The following RUNX2 variants were observed in gnomAD, a reference collection of about 807,000 sequenced individuals.
RUNX2 encodes runt-related transcription factor 2.
RUNX2 carries 10 observed loss-of-function variants against 51.7 expected under a neutral mutation model. The observed-to-expected ratio is 0.19, with a 90% CI of 0.12 to 0.33. The LOEUF (loss-of-function observed/expected upper bound fraction) is 0.33, where lower values mean the gene tolerates loss of function less well. Among genes scored for constraint, RUNX2 ranks in the 10% least tolerant of loss-of-function variants. RUNX2 has a pLI of 1.00. For synonymous variants in RUNX2, 276 were observed against 273.6 expected (o/e 1.01, Z -0.09); for missense variants, 562 against 691.3 (o/e 0.81, Z 2.10).
chr6:45,455,028 C>T (rs564324655), intron 5 of RUNX2, among the ~76,000 whole-genome samples: 10 of 152,172 alleles, frequency 6.6e-5, no homozygotes, highest in Middle Eastern at 3.4e-3. Context: ...GCAGGAGAAT[C>T]GCTTGAACCT....
intron 6 of RUNX2, among the ~76,000 whole-genome samples, chr6:45,503,131 G>A (rs1327694477): frequency 6.6e-6 from 1 of 152,080 alleles, no homozygotes; most frequent in Admixed American, 6.5e-5. Context: ...CAATGTGGTT[G>A]GAGTTCCCAT....
At chr6:45,497,634 G>A (rs939754919) in intron 6 of RUNX2, among the ~76,000 whole-genome samples, 3 of 152,046 alleles carry the variant, frequency 2.0e-5, no homozygotes, top group South Asian at 2.1e-4. Flanking sequence ...AAGCAGAGTC[G>A]AATCAGGCTC....
At chr6:45,359,039 T>A (rs1290529561) in intron 2 of RUNX2, among the ~76,000 whole-genome samples, 1 of 152,190 alleles carries the variant, frequency 6.6e-6, no homozygotes, top group Non-Finnish European at 1.5e-5. Flanking sequence ...TACCTGAATT[T>A]CAAGAATTCA....
chr6:45,470,673 C>T (rs1055775447), intron 5 of RUNX2, among the ~76,000 whole-genome samples: 1 of 152,186 alleles, frequency 6.6e-6, no homozygotes, highest in African/African-American at 2.4e-5. Flanking sequence ...GGAAATACTT[C>T]TCCTGGTCTC....
intron 5 of RUNX2, among the ~76,000 whole-genome samples, chr6:45,461,059 A>G (rs924129777): frequency 2.6e-5 from 4 of 152,236 alleles, no homozygotes; most frequent in African/African-American, 9.6e-5. Context: ...TGTTACAGGC[A>G]CAGGGAAGGG....
intron 6 of RUNX2, among the ~76,000 whole-genome samples, chr6:45,506,249 T>G (rs779572520): frequency 1.3e-5 from 2 of 152,210 alleles, no homozygotes; most frequent in Non-Finnish European, 2.9e-5. Flanking sequence ...TCGCATGTAG[T>G]CATTTTGATC....
chr6:45,530,767 C>T (rs746349512), intron 7 of RUNX2, among the ~76,000 whole-genome samples: 4 of 152,298 alleles, frequency 2.6e-5, no homozygotes, highest in Non-Finnish European at 4.4e-5. Flanking sequence ...ACTATTGGGT[C>T]CTCTGTAACA....
intron 2 of RUNX2, among the ~76,000 whole-genome samples, chr6:45,346,567 C>CTTTTTTT (rs71745024): frequency 5.7e-5 from 8 of 140,426 alleles, no homozygotes; most frequent in Non-Finnish European, 9.2e-5. Flanking sequence ...ATAAACATTT[C>CTTTTTTT]TTTTTTTTTT....
chr6:45,547,372 T>TAG lies in RUNX2; in HGVS notation c.*74_*75dup. On this transcript the variant is annotated 3_prime_UTR_variant, in exon 9 of 9. Coordinates refer to ENST00000647337, the MANE Select transcript of RUNX2 (RefSeq NM_001024630.4). ...CCACACGTATCAATATATACATATA[T>TAG]AGAGAGAGTGCATATATATGTATAT... 1 of 1,225,298 alleles carries TAG rather than the reference T, an allele frequency of 8.2e-7. No individual in the cohort carries two copies. Among genetic ancestry groups the TAG allele is most frequent in the Non-Finnish European group, 1.2e-6 (1 of 829,964 alleles). The allele number at this position is 1,225,298 out of a possible 1,614,324, so 75.9% of individuals were successfully genotyped here.
chr6:45,342,672 T>C (rs1790042655), intron 2 of RUNX2, among the ~76,000 whole-genome samples: 1 of 152,184 alleles, frequency 6.6e-6, no homozygotes. Flanking sequence ...TTTTTTTTTA[T>C]TTGCCAATAT....
intron 5 of RUNX2, among the ~76,000 whole-genome samples, chr6:45,450,321 A>G (rs78924434): frequency 6.6e-6 from 1 of 152,306 alleles, no homozygotes; most frequent in African/African-American, 2.4e-5. Context: ...CTCCCTTTAA[A>G]ATAGCTGACA....
chr6:45,345,000 T>A (rs1376733245), intron 2 of RUNX2, among the ~76,000 whole-genome samples: 1 of 152,154 alleles, frequency 6.6e-6, no homozygotes, highest in Non-Finnish European at 1.5e-5. Flanking sequence ...CCTAGCTGAA[T>A]CAGAATTTAG....
intron 5 of RUNX2, among the ~76,000 whole-genome samples, chr6:45,482,915 G>A (rs941114065): frequency 1.3e-5 from 2 of 152,194 alleles, no homozygotes; most frequent in Non-Finnish European, 2.9e-5. Flanking sequence ...GCTGAAAGGG[G>A]ACTCTTGAAG....
intron 2 of RUNX2, among the ~76,000 whole-genome samples, chr6:45,419,138 G>A (rs1044376835): frequency 6.6e-6 from 1 of 152,154 alleles, no homozygotes; most frequent in Non-Finnish European, 1.5e-5. Flanking sequence ...TATTTGGAAA[G>A]CCCCTCTGGT....
intron 7 of RUNX2, among the ~76,000 whole-genome samples, chr6:45,536,677 C>T (rs1340852288): frequency 6.6e-6 from 1 of 152,236 alleles, no homozygotes; most frequent in Non-Finnish European, 1.5e-5. Flanking sequence ...TCTCCTGGAC[C>T]AGTGCTAGTC....
intron 5 of RUNX2, among the ~76,000 whole-genome samples, chr6:45,458,466 G>A (rs1172684748): frequency 6.6e-6 from 1 of 152,108 alleles, no homozygotes; most frequent in Non-Finnish European, 1.5e-5. Flanking sequence ...TAGAAATATT[G>A]GGTTACTAAG....
At chr6:45,397,196 A>G (rs1463721056) in intron 2 of RUNX2, among the ~76,000 whole-genome samples, 2 of 150,700 alleles carry the variant, frequency 1.3e-5, no homozygotes, top group African/African-American at 2.4e-5. Flanking sequence ...CTCTGCCTCC[A>G]GGGTTCATGC....
intron 4 of RUNX2, 142 bp from the exon 5 acceptor site, chr6:45,437,805 A>G: frequency 1.4e-6 from 1 of 710,908 alleles, no homozygotes; most frequent in Non-Finnish European, 2.6e-6. Context: ...TTTCCAATTT[A>G]GAAGAAGGAG....
chr6:45,508,146 C>T (rs917589265), intron 6 of RUNX2, among the ~76,000 whole-genome samples: 5 of 150,696 alleles, frequency 3.3e-5, no homozygotes, highest in Admixed American at 1.3e-4. Flanking sequence ...TAAAAGGTTG[C>T]TATCCTCTTT....
Sources: gnomAD v4.1 joint callset for allele counts (sites outside exome capture counted in the v4.1 genomes callset) on GRCh38, gnomAD v4.1.1 for gene constraint, MANE v1.5 for transcripts, NCBI Gene and HGNC (gene_info 2026-07-23, HGNC 2026-07-21) for gene names.